Variants in UBE4B observed in about 807,000 individuals in gnomAD.
UBE4B encodes ubiquitin conjugation factor E4 B.
UBE4B carries 27 observed loss-of-function variants against 148.1 expected under a neutral mutation model. That is an observed-to-expected ratio of 0.18 (90% CI 0.13 to 0.25). UBE4B has a LOEUF of 0.25. Among genes scored for constraint, UBE4B ranks in the 10% least tolerant of loss-of-function variants. UBE4B has a pLI of 1.00. For synonymous variants in UBE4B, 596 were observed against 619.3 expected, an observed-to-expected ratio of 0.96 and a Z score of 0.56; for missense variants, 1,170 against 1,662.4, an observed-to-expected ratio of 0.70 and a Z score of 5.15.
chr1:10,135,226 C>T (rs775504940), intron 16 of UBE4B, 40 bp downstream of exon 16: 9 of 1,569,474 alleles, frequency 5.7e-6, no homozygotes, highest in Non-Finnish European at 5.2e-6. Context: ...AAAACACTGC[C>T]CTCTTGTCTG....
chr1:10,045,459 C>T (rs1401211528), intron 1 of UBE4B, among the ~76,000 whole-genome samples: 1 of 151,998 alleles, frequency 6.6e-6, no homozygotes, highest in Non-Finnish European at 1.5e-5. Flanking sequence ...CTGTCCTTGT[C>T]TGTTGTTCAG....
chr1:10,109,232 G>T (rs1340734247), intron 7 of UBE4B, among the ~76,000 whole-genome samples: 1 of 151,952 alleles, frequency 6.6e-6, no homozygotes, highest in African/African-American at 2.4e-5. Context: ...CAGACAAGAG[G>T]GTCAAAATCA....
At chr1:10,134,608 T>C (rs1014240967) in intron 15 of UBE4B, among the ~76,000 whole-genome samples, 2 of 152,226 alleles carry the variant, frequency 1.3e-5, no homozygotes, top group Non-Finnish European at 2.9e-5. Flanking sequence ...CACCTGCTAA[T>C]ATAGAATTAA....
Position 10,178,658 on chromosome 1 carries a change from G to C in UBE4B, c.3540G>C (p.Lys1180Asn). The C allele has an allele frequency of 6.2e-7, 1 of 1,610,714 alleles. No homozygotes were observed. Among genetic ancestry groups the C allele is most frequent in the Non-Finnish European group, 8.5e-7 (1 of 1,178,794 alleles). Residue 1180 changes from lysine (K) to asparagine (N), a missense_variant, in exon 26 of 28, where the codon AAG (lysine) becomes AAC (asparagine). Around this residue, in one of 6 missense-constraint regions of UBE4B, gnomAD observed 348 missense variants for 627.2 expected, o/e 0.55. Transcript: ENST00000343090. ...AIADDQRSYSKELFEEVISKM... is the reference protein window; with the variant it reads ...AIADDQRSYSNELFEEVISKM... ...CTCCTTTGCAGAGATCCTACAGTAA[G>C]GAATTGTTTGAAGAAGTTATTTCAA... is the stretch of plus-strand genomic sequence containing the variant.
chr1:10,109,213 C>G (rs1457355196), intron 7 of UBE4B, among the ~76,000 whole-genome samples: 1 of 151,896 alleles, frequency 6.6e-6, no homozygotes, highest in Non-Finnish European at 1.5e-5. Context: ...AACGGGGGGG[C>G]CGGGGGGACA....
At position 10,138,644 on chromosome 1, in the gene UBE4B, T is replaced by C. The variant is rs376011725; in HGVS notation, c.2363+1439T>C. Among the ~76,000 whole-genome samples, 313 of 152,366 alleles carry C rather than the reference T, an allele frequency of 2.1e-3. 1 individual carries two copies. The highest frequency in any genetic ancestry group is 7.1e-3 in the African/African-American group (296 of 41,592). On this transcript the variant is annotated intron_variant, in intron 17 of 27. Coordinates refer to ENST00000343090, the MANE Select transcript of UBE4B (RefSeq NM_001105562.3). The stretch of plus-strand genomic sequence containing the variant: ...CAATTTTATTTCTTTTACTTTTTTT[T>C]TCATGCCTTAGTGCCCAGGCTGTAA...
intron 17 of UBE4B, among the ~76,000 whole-genome samples, chr1:10,140,815 A>G (rs1645771531): frequency 6.6e-6 from 1 of 152,242 alleles, no homozygotes; most frequent in African/African-American, 2.4e-5. Context: ...TGAGCAAATC[A>G]CATAAAGTAA....
At chr1:10,156,239 CTTTTTTTTTTT>C (rs199801311) in intron 21 of UBE4B, among the ~76,000 whole-genome samples, 2 of 123,774 alleles carry the variant, frequency 1.6e-5, no homozygotes, top group Non-Finnish European at 3.4e-5. Flanking sequence ...ATTTTCTTTT[CTTTTTTTTTTT>C]TTTTTTTGAG....
intron 1 of UBE4B, among the ~76,000 whole-genome samples, chr1:10,053,092 G>T (rs1023506824): frequency 2.0e-5 from 3 of 152,126 alleles, no homozygotes; most frequent in African/African-American, 7.2e-5. Context: ...TCCCACCTCA[G>T]CCTCCCGAGT....
intron 2 of UBE4B, among the ~76,000 whole-genome samples, chr1:10,086,104 T>C (rs1435719255): frequency 1.3e-5 from 2 of 152,170 alleles, no homozygotes; most frequent in East Asian, 1.9e-4. Flanking sequence ...CCCGAGTAGC[T>C]GGGACTACAG....
chr1:10,151,219 C>T (rs2101987906), intron 20 of UBE4B, 107 bp from the exon 21 acceptor site: 1 of 998,572 alleles, frequency 1.0e-6, no homozygotes, highest in South Asian at 1.5e-5. Flanking sequence ...CCCAAACCTA[C>T]TTATCCTGCC....
At chr1:10,043,421 CTTTTTTTT>C (rs35513799) in intron 1 of UBE4B, among the ~76,000 whole-genome samples, 2 of 110,854 alleles carry the variant, frequency 1.8e-5, no homozygotes, top group African/African-American at 3.5e-5. Flanking sequence ...TGAGATGCTG[CTTTTTTTT>C]TTTTTTTTTT....
chr1:10,121,930 C>G, intron 9 of UBE4B, 32 bp from the exon 10 acceptor site: 1 of 1,497,146 alleles, frequency 6.7e-7, no homozygotes, highest in Non-Finnish European at 9.2e-7. Context: ...GAGTTGACTT[C>G]ATCACCGTCC....
intron 24 of UBE4B, among the ~76,000 whole-genome samples, chr1:10,169,409 G>A (rs1646304891): frequency 6.6e-6 from 1 of 152,150 alleles, no homozygotes; most frequent in African/African-American, 2.4e-5. Flanking sequence ...CCACTCCCTG[G>A]CCTGGGGACA....
intron 21 of UBE4B, among the ~76,000 whole-genome samples, chr1:10,152,976 G>A (rs970616150): frequency 6.6e-6 from 1 of 151,876 alleles, no homozygotes; most frequent in African/African-American, 2.4e-5. Context: ...TGGCCAGTAG[G>A]TGCTGGTGTC....
chr1:10,047,785 C>G (rs1643943958), intron 1 of UBE4B, among the ~76,000 whole-genome samples: 1 of 152,220 alleles, frequency 6.6e-6, no homozygotes, highest in Admixed American at 6.5e-5. Flanking sequence ...AGCCACCGCC[C>G]TTGGCCCATA....
Position 10,178,831 on chromosome 1 carries a change from G to T in UBE4B, c.3700+13G>T. The T allele has an allele frequency of 6.4e-7, 1 of 1,569,994 alleles. No individual in the cohort carries two copies. The highest frequency in any genetic ancestry group is 1.4e-5 in the African/African-American group (1 of 72,468). ...GATGAGTTCAGAGGCAAGTGGACTC[G>T]TCGTTTTCATGCTGATTTCTTTTGA... On this transcript the variant is annotated intron_variant, in intron 26 of 27. Transcript: ENST00000343090.
intron 23 of UBE4B, among the ~76,000 whole-genome samples, chr1:10,164,146 G>A (rs1243112712): frequency 6.6e-6 from 1 of 151,976 alleles, no homozygotes; most frequent in East Asian, 2.0e-4. Flanking sequence ...TTTGAGACCA[G>A]CCTGGCCAAC....
In UBE4B at chr1:10,137,059, T is replaced by C; in HGVS notation, c.2225-8T>C. 1 of 1,614,142 alleles carries C rather than the reference T, an allele frequency of 6.2e-7. No homozygotes were observed. Among genetic ancestry groups the C allele is most frequent in the East Asian group, 2.2e-5 (1 of 44,882 alleles). Reference sequence around the variant, plus strand: ...ATTTTATTTAGGGAATGATGTTATTTTTCCTAGATGGCGATCAGCCTCCAT... The same window carrying C: ...ATTTTATTTAGGGAATGATGTTATTCTTCCTAGATGGCGATCAGCCTCCAT... On this transcript the variant is annotated splice_polypyrimidine_tract_variant and splice_region_variant and intron_variant, in intron 16 of 27. Transcript: ENST00000343090.
Sources: allele counts gnomAD v4.1 joint callset (sites outside exome capture counted in the v4.1 genomes callset), GRCh38; gene constraint gnomAD v4.1.1; regional missense constraint gnomAD v4.1.1; transcripts MANE v1.5; gene names NCBI Gene and HGNC (gene_info 2026-07-23, HGNC 2026-07-21).